Variants in MARCHF7 observed in about 807,000 individuals in gnomAD.
The protein encoded by MARCHF7 is E3 ubiquitin-protein ligase MARCHF7.
Under a neutral mutation model 76.5 loss-of-function variants are expected in MARCHF7, and 20 were observed. That is an observed-to-expected ratio of 0.26 (90% CI 0.18 to 0.38). The LOEUF is 0.38. Among genes scored for constraint, MARCHF7 ranks in the 10% least tolerant of loss-of-function variants. The probability of loss-of-function intolerance (pLI) is 1.00; values close to 1 mark genes in which losing one functional copy is unlikely to be tolerated. For synonymous variants in MARCHF7, 295 were observed against 293.0 expected, an observed-to-expected ratio of 1.01 and a Z score of -0.07; for missense variants, 797 against 812.9, an observed-to-expected ratio of 0.98 and a Z score of 0.24.
At chr2:159,751,172 G>T (rs533366184) in intron 7 of MARCHF7, among the ~76,000 whole-genome samples, 55 of 152,324 alleles carry the variant, frequency 3.6e-4, no homozygotes, top group Non-Finnish European at 6.6e-4. Context: ...CAGCCCTTAA[G>T]GTTAGATTAA....
chr2:159,742,893 C>T (rs1301833421), intron 4 of MARCHF7, among the ~76,000 whole-genome samples, 168 bp from the exon 5 acceptor site: 2 of 151,880 alleles, frequency 1.3e-5, no homozygotes, highest in African/African-American at 4.8e-5. Flanking sequence ...GCCAAGATTG[C>T]CCCACTGCAC....
chr2:159,759,854 T>C (rs1204221986), intron 9 of MARCHF7, among the ~76,000 whole-genome samples: 1 of 152,180 alleles, frequency 6.6e-6, no homozygotes, highest in Non-Finnish European at 1.5e-5. Context: ...CCTAGCACTT[T>C]GGGAGGCTAA....
chr2:159,735,116 A>G (rs1703298455), intron 4 of MARCHF7, among the ~76,000 whole-genome samples: 1 of 152,222 alleles, frequency 6.6e-6, no homozygotes, highest in Admixed American at 6.5e-5. Context: ...AATATTTCAA[A>G]CAAGGGAGAG....
chr2:159,732,841 T>C, intron 4 of MARCHF7: 3 of 985,080 alleles, frequency 3.0e-6, no homozygotes, highest in Non-Finnish European at 3.6e-6. Flanking sequence ...CTGTATTTTA[T>C]TTATCTGTAT....
In MARCHF7 at chr2:159,759,237, G is replaced by A. The variant is rs1474743469; in HGVS notation, c.1795G>A (p.Glu599Lys). 8.2e-6 allele frequency: 13 copies of A among 1,589,420 alleles called. No homozygotes were observed. Among genetic ancestry groups the A allele is most frequent in the Non-Finnish European group, 1.1e-5 (13 of 1,167,002 alleles). ...TTAATTTTTACCAGGTTCTTCATTA[G>A]AAGCTGTAACCACCTGTGAACTATG... ...QAKINSGSSLEAVTTCELCKE... is the reference protein window; with the variant it reads ...QAKINSGSSLKAVTTCELCKE... The change falls in exon 9 of 12, where the codon GAA (glutamate) becomes AAA (lysine). Residue 599 changes from glutamate to lysine, a missense_variant. Transcript: ENST00000409175.
chr2:159,747,899 C>G lies in MARCHF7; in HGVS notation c.609C>G (p.His203Gln), dbSNP rs199693234. ...TLQLNTSSTN[H>Q]QLPSEHQTIL... ...AGTTGAATACATCATCCACAAACCA[C>G]CAATTGCCTTCTGAACATCAGACCA... Residue 203 changes from histidine (H) to glutamine (Q), a missense_variant, in exon 7 of 12, where the codon CAC becomes CAG. Coordinates refer to ENST00000409175, the MANE Select transcript of MARCHF7 (RefSeq NM_001282805.2). The G allele has an allele frequency of 1.4e-5, 22 of 1,614,118 alleles. No individual in the cohort carries two copies. In the Admixed American group the frequency reaches 1.7e-4, roughly 12 times the overall value.
intron 4 of MARCHF7, among the ~76,000 whole-genome samples, chr2:159,732,659 C>G (rs553362388): frequency 6.6e-6 from 1 of 152,012 alleles, no homozygotes; most frequent in Non-Finnish European, 1.5e-5. Context: ...ACTACAGATG[C>G]GCAGCCCCCT....
At chr2:159,728,827 GGAAACCTTTGAT>G (rs1702456924) in intron 3 of MARCHF7, among the ~76,000 whole-genome samples, 170 bp from the exon 4 acceptor site, 1 of 152,140 alleles carries the variant, frequency 6.6e-6, no homozygotes, top group South Asian at 2.1e-4. Context: ...ATGGACGATA[GGAAACCTTTGAT>G]GAACTTCTGC....
chr2:159,739,030 C>G (rs536910930), intron 4 of MARCHF7, among the ~76,000 whole-genome samples: 2 of 152,210 alleles, frequency 1.3e-5, no homozygotes, highest in Non-Finnish European at 2.9e-5. Context: ...GGCACTGCCC[C>G]AAGCATGCGC....
chr2:159,748,624 C>T lies in MARCHF7; in HGVS notation c.1334C>T (p.Ala445Val), dbSNP rs543461145. 3.7e-6 allele frequency: 6 copies of T among 1,614,192 alleles called. No individual in the cohort carries two copies. The highest frequency in any genetic ancestry group is 1.1e-5 in the South Asian group (1 of 91,084). The change falls in exon 7 of 12, where the codon GCC becomes GTC. Residue 445 changes from alanine to valine, a missense_variant. Ala to Val is a moderately conservative substitution (Grantham distance 64). Coordinates refer to ENST00000409175, the MANE Select transcript of MARCHF7 (RefSeq NM_001282805.2). Reference sequence around the variant, plus strand: ...CAGAATGATCCTCTTGGAGCTGCTGCCAACAGACCACAAGCATCTGCAGCA... The same window carrying T: ...CAGAATGATCCTCTTGGAGCTGCTGTCAACAGACCACAAGCATCTGCAGCA... ...EAQNDPLGAA[A>V]NRPQASAASS...
intron 7 of MARCHF7, among the ~76,000 whole-genome samples, chr2:159,749,840 C>T (rs1705411958): frequency 6.6e-6 from 1 of 152,102 alleles, no homozygotes; most frequent in African/African-American, 2.4e-5. Context: ...TACCCAATTC[C>T]TTAGTAGACT....
At chr2:159,741,971 T>C (rs192571481) in intron 4 of MARCHF7, among the ~76,000 whole-genome samples, 75 of 152,300 alleles carry the variant, frequency 4.9e-4, no homozygotes, top group African/African-American at 1.8e-3. Flanking sequence ...GTAAAAAGAA[T>C]AGTACAATTT....
intron 8 of MARCHF7, among the ~76,000 whole-genome samples, chr2:159,758,472 C>T (rs528866813): frequency 1.9e-3 from 294 of 152,298 alleles, no homozygotes; most frequent in Non-Finnish European, 3.6e-3. Context: ...AAACGCTAAC[C>T]ATTAAGCAGT....
chr2:159,729,349 T>G (rs192100831), intron 4 of MARCHF7, among the ~76,000 whole-genome samples, 174 bp downstream of exon 4: 1 of 152,156 alleles, frequency 6.6e-6, no homozygotes, highest in Non-Finnish European at 1.5e-5. Context: ...TTCAGAATTA[T>G]GGATAACAGA....
chr2:159,758,538 T>A (rs1485439117), intron 8 of MARCHF7, among the ~76,000 whole-genome samples: 1 of 152,248 alleles, frequency 6.6e-6, no homozygotes, highest in South Asian at 2.1e-4. Flanking sequence ...TCTGGTCTAC[T>A]TTCTGTCTCT....
At position 159,748,988 on chromosome 2, in the gene MARCHF7, T is replaced by C. The variant is rs1208485165; in HGVS notation, c.1613+85T>C. ...TCTTTTTTTTCTTTTCTTTTTTTTTTTTTTTTTTGAGACGGAGTCTCAGTC... is the reference window on the plus strand; with the variant it reads ...TCTTTTTTTTCTTTTCTTTTTTTTTCTTTTTTTTGAGACGGAGTCTCAGTC... On this transcript the variant is annotated intron_variant, in intron 7 of 11. Coordinates refer to ENST00000409175, the MANE Select transcript of MARCHF7 (RefSeq NM_001282805.2). The C allele has an allele frequency of 1.5e-4, 187 of 1,274,096 alleles. 2 individuals carry two copies. Among genetic ancestry groups the C allele is most frequent in the Middle Eastern group, 5.8e-4 (2 of 3,438 alleles). The allele number at this position is 1,274,096 out of a possible 1,614,324, so 78.9% of individuals were successfully genotyped here. A position where few individuals can be genotyped will look rare whatever the true frequency, so the allele number is the denominator to read the frequency against.
chr2:159,755,979 G>A (rs1263428987), intron 8 of MARCHF7, among the ~76,000 whole-genome samples: 2 of 152,156 alleles, frequency 1.3e-5, no homozygotes, highest in African/African-American at 4.8e-5. Flanking sequence ...GAGCTCAAGG[G>A]CTCTGAACAA....
In MARCHF7 at chr2:159,745,773, C is replaced by T; in HGVS notation, c.350C>T (p.Ser117Leu). Residue 117 changes from serine (S) to leucine (L), a missense_variant, in exon 6 of 12, where the codon TCA (serine) becomes TTA (leucine). This residue lies in a region of MARCHF7 where 643 missense variants were observed against 631.5 expected (regional missense o/e 1.02). Transcript: ENST00000409175. ...VGNGLNTLSD[S>L]SWRHSQVPRS... ...AAACTTCTTCATTTATTTTAAGATT[C>T]ATCTTGGAGGCATAGTCAAGTTCCT... 6.3e-7 allele frequency: 1 copy of T among 1,588,540 alleles called. No individual in the cohort carries two copies. The highest frequency in any genetic ancestry group is 1.4e-5 in the African/African-American group (1 of 73,438).
At chr2:159,713,632 A>T (rs191197409) in intron 1 of MARCHF7, among the ~76,000 whole-genome samples, 1 of 152,370 alleles carries the variant, frequency 6.6e-6, no homozygotes, top group Non-Finnish European at 1.5e-5. Flanking sequence ...AAGAAGGCAC[A>T]CATGTAGTGT....
Sources: allele counts gnomAD v4.1 joint callset (sites outside exome capture counted in the v4.1 genomes callset), GRCh38; gene constraint gnomAD v4.1.1; regional missense constraint gnomAD v4.1.1; transcripts MANE v1.5; gene names NCBI Gene and HGNC (gene_info 2026-07-23, HGNC 2026-07-21).